The following ADAM18 variants were observed in gnomAD, a reference collection of about 807,000 sequenced individuals.
The protein encoded by ADAM18 is ADAM metallopeptidase domain 18.
In ADAM18, 117 loss-of-function variants were observed where a neutral mutation model predicts 94.4. The observed-to-expected ratio is 1.24, with a 90% CI of 1.07 to 1.45. ADAM18 has a LOEUF of 1.45. Among genes scored for constraint, ADAM18 ranks in the 40% most tolerant of loss-of-function variants. ADAM18 has a pLI of 0.00. For missense variants in ADAM18, 936 were observed against 880.0 expected, an observed-to-expected ratio of 1.06 and a Z score of -0.81; for synonymous variants, 327 against 291.6, an observed-to-expected ratio of 1.12 and a Z score of -1.24.
chr8:39,676,304 A>G (rs988682663), intron 14 of ADAM18, among the ~76,000 whole-genome samples: 6 of 152,178 alleles, frequency 3.9e-5, no homozygotes, highest in African/African-American at 1.4e-4. Context: ...GACTCTGCCA[A>G]GTTTGGGCTT....
At chr8:39,670,072 T>C (rs1024228144) in intron 14 of ADAM18, among the ~76,000 whole-genome samples, 2 of 152,208 alleles carry the variant, frequency 1.3e-5, no homozygotes, top group Admixed American at 1.3e-4. Context: ...CCAGTGATGA[T>C]GAGCATTTTT....
chr8:39,584,800 C>T, intron 1 of ADAM18, 123 bp downstream of exon 1: 1 of 1,185,686 alleles, frequency 8.4e-7, no homozygotes, highest in Non-Finnish European at 1.2e-6. Flanking sequence ...CATGCTGGTG[C>T]TTCTGGTGTG....
Position 39,723,854 on chromosome 8 carries a change from T to C in ADAM18, c.2124T>C (p.Phe708=), listed in dbSNP as rs145985085. ...PFFIVFTTVI[F]KRNEISKSCN... ...TCATAGTTTTCACCACTGTGATCTT[T>C]AAAAGAAATGAAATAAGTAAATCAT... is the stretch of plus-strand genomic sequence containing the variant. The change falls in exon 19 of 20, where the codon TTT becomes TTC. Residue 708 remains phenylalanine, a synonymous_variant. Coordinates refer to ENST00000265707, the MANE Select transcript of ADAM18 (RefSeq NM_014237.3). 1,098 of 1,573,464 alleles carry C rather than the reference T, an allele frequency of 7.0e-4. 8 individuals carry two copies. In the African/African-American group the frequency reaches 0.013, roughly 19 times the overall value.
At chr8:39,654,562 G>C (rs1820634857) in intron 12 of ADAM18, among the ~76,000 whole-genome samples, 1 of 152,122 alleles carries the variant, frequency 6.6e-6, no homozygotes, top group Non-Finnish European at 1.5e-5. Flanking sequence ...TGTATATCCA[G>C]CAGTGGGATT....
chr8:39,638,617 A>G, intron 10 of ADAM18, 71 bp downstream of exon 10: 2 of 917,222 alleles, frequency 2.2e-6, no homozygotes, highest in South Asian at 2.4e-5. Context: ...GTATTAATTT[A>G]AGTAGTTAAA....
intron 6 of ADAM18, 61 bp from the exon 7 acceptor site, chr8:39,629,312 CT>C (rs1819866170): frequency 3.0e-6 from 4 of 1,313,536 alleles, no homozygotes; most frequent in Admixed American, 4.5e-5. Context: ...TACATGTCAT[CT>C]TTTTCTCTTA....
chr8:39,703,458 T>G (rs551105993), intron 17 of ADAM18, among the ~76,000 whole-genome samples: 43 of 152,210 alleles, frequency 2.8e-4, no homozygotes, highest in African/African-American at 1.0e-3. Context: ...TTTCTTTCTA[T>G]TTTAATGCCT....
At chr8:39,638,623 TTAAA>T (rs990228383) in intron 10 of ADAM18, 77 bp downstream of exon 10, 1 of 821,482 alleles carries the variant, frequency 1.2e-6, no homozygotes. Flanking sequence ...ATTTAAGTAG[TTAAA>T]TAGTGTAAAA....
At chr8:39,719,629 A>G (rs1384838184) in intron 18 of ADAM18, among the ~76,000 whole-genome samples, 1 of 151,466 alleles carries the variant, frequency 6.6e-6, no homozygotes, top group African/African-American at 2.4e-5. Flanking sequence ...AACCAACTCT[A>G]TAAAAAAGGG....
intron 17 of ADAM18, among the ~76,000 whole-genome samples, chr8:39,701,364 T>TA (rs1407339513): frequency 6.6e-6 from 1 of 151,950 alleles, no homozygotes; most frequent in African/African-American, 2.4e-5. Flanking sequence ...TACGTTGTGA[T>TA]AATCTCTGCG....
chr8:39,700,490 G>A (rs1488077023), intron 17 of ADAM18, among the ~76,000 whole-genome samples: 2 of 152,076 alleles, frequency 1.3e-5, no homozygotes, highest in Admixed American at 1.3e-4. Flanking sequence ...TTAGGTAAAT[G>A]TAATAGTAAA....
At chr8:39,610,733 A>C in intron 6 of ADAM18, 27 bp downstream of exon 6, 1 of 1,592,140 alleles carries the variant, frequency 6.3e-7, no homozygotes, top group Non-Finnish European at 8.5e-7. Flanking sequence ...TGATGTTATG[A>C]CATACTAGAA....
intron 17 of ADAM18, 129 bp from the exon 18 acceptor site, chr8:39,706,661 A>G: frequency 4.0e-6 from 2 of 495,516 alleles, no homozygotes; most frequent in South Asian, 4.4e-5. Flanking sequence ...CTCACATTAT[A>G]TAGTCATAAT....
intron 14 of ADAM18, among the ~76,000 whole-genome samples, chr8:39,673,101 C>A (rs992838992): frequency 3.3e-5 from 5 of 152,170 alleles, no homozygotes; most frequent in African/African-American, 1.2e-4. Flanking sequence ...CTAAAGGATG[C>A]AGGGGTGGTT....
At chr8:39,650,546 T>A (rs1820504736) in intron 12 of ADAM18, among the ~76,000 whole-genome samples, 2 of 152,132 alleles carry the variant, frequency 1.3e-5, no homozygotes, top group African/African-American at 2.4e-5. Context: ...TTACAATATC[T>A]ACAAAAAATA....
chr8:39,677,979 C>T (rs978262052), intron 15 of ADAM18, among the ~76,000 whole-genome samples: 3 of 152,094 alleles, frequency 2.0e-5, no homozygotes, highest in African/African-American at 4.8e-5. Flanking sequence ...CTATTAATAA[C>T]TAAATTCAGA....
At chr8:39,632,630 A>G (rs1819960380) in intron 7 of ADAM18, among the ~76,000 whole-genome samples, 1 of 151,842 alleles carries the variant, frequency 6.6e-6, no homozygotes, top group Non-Finnish European at 1.5e-5. Flanking sequence ...TCTTATAATG[A>G]TTTTTCTTCT....
At chr8:39,685,255 G>A (rs1008043723) in intron 16 of ADAM18, 3 of 152,240 alleles carry the variant, frequency 2.0e-5, no homozygotes, top group Non-Finnish European at 4.4e-5. Context: ...TTGTAAAGAT[G>A]GCACCATGGA....
intron 19 of ADAM18, among the ~76,000 whole-genome samples, chr8:39,725,792 T>A (rs961018242): frequency 6.6e-6 from 1 of 152,208 alleles, no homozygotes; most frequent in Non-Finnish European, 1.5e-5. Flanking sequence ...ATAGCTATTG[T>A]GAACAATGCT....
Sources: allele counts gnomAD v4.1 joint callset (sites outside exome capture counted in the v4.1 genomes callset), GRCh38; gene constraint gnomAD v4.1.1; transcripts MANE v1.5; gene names NCBI Gene and HGNC (gene_info 2026-07-23, HGNC 2026-07-21).